Variants in TIAM1 observed in about 807,000 individuals in gnomAD.
TIAM1 encodes rho guanine nucleotide exchange factor TIAM1.
In TIAM1, 65 loss-of-function variants were observed where a neutral mutation model predicts 163.5. The observed-to-expected ratio is 0.40, with a 90% confidence interval of 0.33 to 0.49. The LOEUF is 0.49. Among genes scored for constraint, TIAM1 ranks in the 20% least tolerant of loss-of-function variants. The pLI is 0.77. For synonymous variants in TIAM1, 833 were observed against 810.1 expected (o/e 1.03, Z -0.48); for missense variants, 1,789 against 2,044.7 (o/e 0.87, Z 2.41).
intron 23 of TIAM1, among the ~76,000 whole-genome samples, chr21:31,133,702 A>G (rs762375906): frequency 6.6e-6 from 1 of 152,240 alleles, no homozygotes; most frequent in Non-Finnish European, 1.5e-5. Context: ...CATGTTATCT[A>G]GGGCTGCTTC....
rs1253853613 is a variant in TIAM1, at chr21:31,130,273, A to T, written c.3985T>A (p.Phe1329Ile). ...GTGGGGATCATGTGTCGAAATCTGAAGGGGTCCCAGTCCTCATAAATGGAA... is the reference window on the plus strand; with the variant it reads ...GTGGGGATCATGTGTCGAAATCTGATGGGGTCCCAGTCCTCATAAATGGAA... ...RLSIYEDWDP[F>I]RFRHMIPTEA... Residue 1329 changes from phenylalanine (F) to isoleucine (I), a missense_variant, in exon 25 of 28, where the codon TTC becomes ATC. Physicochemically the swap from Phe to Ile is conservative, Grantham distance 21 (BLOSUM62 0). Coordinates refer to ENST00000541036, the MANE Select transcript of TIAM1 (RefSeq NM_001353694.2). 1 of 1,614,134 alleles carries T rather than the reference A, an allele frequency of 6.2e-7. No homozygotes were observed. The highest frequency in any genetic ancestry group is 8.5e-7 in the Non-Finnish European group (1 of 1,180,018).
At chr21:31,409,970 G>T (rs1006402716) in intron 2 of TIAM1, among the ~76,000 whole-genome samples, 1 of 152,014 alleles carries the variant, frequency 6.6e-6, no homozygotes, top group Non-Finnish European at 1.5e-5. Context: ...GAAAAAAGGA[G>T]ATCCAAGTTT....
intron 2 of TIAM1, among the ~76,000 whole-genome samples, chr21:31,337,699 TTTTTGTA>T (rs2075888906): frequency 6.6e-6 from 1 of 151,846 alleles, no homozygotes; most frequent in African/African-American, 2.4e-5. Context: ...ACCGGGCTAA[TTTTTGTA>T]TTTTAGTAGA....
At chr21:31,510,054 C>G (rs2047162227) in intron 1 of TIAM1, among the ~76,000 whole-genome samples, 3 of 152,196 alleles carry the variant, frequency 2.0e-5, no homozygotes, top group African/African-American at 7.2e-5. Flanking sequence ...AAGTGCATCC[C>G]CCAAAAAGAT....
chr21:31,376,984 G>C (rs970889253), intron 2 of TIAM1, among the ~76,000 whole-genome samples: 3 of 150,340 alleles, frequency 2.0e-5, no homozygotes, highest in Non-Finnish European at 4.4e-5. Flanking sequence ...TTAGCCTCAC[G>C]AGCAGCTGGG....
intron 2 of TIAM1, among the ~76,000 whole-genome samples, chr21:31,300,985 C>A (rs1306301718): frequency 6.6e-6 from 1 of 152,134 alleles, no homozygotes; most frequent in Non-Finnish European, 1.5e-5. Context: ...AAGGCAGCAC[C>A]AAAAACATGG....
Position 31,226,041 on chromosome 21 carries a change from G to C in TIAM1, c.1585-91C>G, listed in dbSNP as rs923271317. The C allele has an allele frequency of 8.6e-6, 10 of 1,157,664 alleles. No homozygotes were observed. The African/African-American group carries it at 1.4e-4, about 16-fold the overall frequency. 71.7% of individuals were successfully genotyped at this position (1,157,664 alleles called of 1,614,324 possible). ...AGCATTTCCAGAGAAGCAATGCCTG[G>C]GAGTCGAGGTGACAGGTCTAGACAC... is the stretch of plus-strand genomic sequence containing the variant. On this transcript the variant is annotated intron_variant, in intron 6 of 27. Coordinates refer to ENST00000541036, the MANE Select transcript of TIAM1 (RefSeq NM_001353694.2).
chr21:31,179,759 T>C (rs1047167622), intron 15 of TIAM1, among the ~76,000 whole-genome samples: 1 of 152,156 alleles, frequency 6.6e-6, no homozygotes, highest in African/African-American at 2.4e-5. Context: ...TACTCAGATA[T>C]TTCTAAAATA....
chr21:31,264,151 G>T (rs1470252937), intron 4 of TIAM1, among the ~76,000 whole-genome samples: 4 of 152,070 alleles, frequency 2.6e-5, no homozygotes, highest in Non-Finnish European at 4.4e-5. Context: ...TTAGAGTCAA[G>T]GGGTACACGT....
At chr21:31,123,941 T>C (rs1016970507) in intron 27 of TIAM1, 1 of 152,258 alleles carries the variant, frequency 6.6e-6, no homozygotes, top group African/African-American at 2.4e-5. Flanking sequence ...TTTCCAAGAA[T>C]AGCTCGAGGC....
intron 4 of TIAM1, among the ~76,000 whole-genome samples, chr21:31,264,429 G>T (rs1231326079): frequency 1.3e-5 from 2 of 152,116 alleles, no homozygotes; most frequent in Non-Finnish European, 2.9e-5. Flanking sequence ...GCCCTTACTG[G>T]CTGCTTCCTA....
At chr21:31,376,901 C>T (rs1352587013) in intron 2 of TIAM1, among the ~76,000 whole-genome samples, 2 of 152,020 alleles carry the variant, frequency 1.3e-5, no homozygotes, top group African/African-American at 2.4e-5. Flanking sequence ...CTCTGTCACC[C>T]GGGCTGGGGT....
intron 15 of TIAM1, among the ~76,000 whole-genome samples, chr21:31,179,752 T>A (rs2084927670): frequency 6.6e-6 from 1 of 152,072 alleles, no homozygotes; most frequent in Admixed American, 6.6e-5. Context: ...ACAGAAATAC[T>A]CAGATATTTC....
intron 2 of TIAM1, among the ~76,000 whole-genome samples, chr21:31,301,936 T>C (rs907623022): frequency 1.3e-5 from 2 of 149,682 alleles, no homozygotes; most frequent in African/African-American, 2.4e-5. Flanking sequence ...AAAATATATA[T>C]GTAACATATA....
chr21:31,325,224 G>A (rs144217588), intron 2 of TIAM1, among the ~76,000 whole-genome samples: 37 of 151,976 alleles, frequency 2.4e-4, no homozygotes, highest in East Asian at 1.5e-3. Flanking sequence ...GTGGAGGTGC[G>A]GTAAGCTGTG....
At chr21:31,524,533 A>G (rs947881488) in intron 1 of TIAM1, among the ~76,000 whole-genome samples, 1 of 152,194 alleles carries the variant, frequency 6.6e-6, no homozygotes, top group African/African-American at 2.4e-5. Flanking sequence ...TCAAAAGTAT[A>G]TTCTCTTGCT....
intron 2 of TIAM1, among the ~76,000 whole-genome samples, chr21:31,454,098 C>G (rs2147333280): frequency 6.6e-6 from 1 of 152,306 alleles, no homozygotes; most frequent in Admixed American, 6.5e-5. Context: ...TTATCCAGAC[C>G]ATTTATCACC....
chr21:31,475,065 AGTT>A (rs2045895153), intron 1 of TIAM1, among the ~76,000 whole-genome samples: 1 of 89,794 alleles, frequency 1.1e-5, no homozygotes. Context: ...ATTATTATTT[AGTT>A]TTAGACAAGG....
At chr21:31,369,330 T>G (rs2076556134) in intron 2 of TIAM1, among the ~76,000 whole-genome samples, 1 of 151,980 alleles carries the variant, frequency 6.6e-6, no homozygotes, top group South Asian at 2.1e-4. Context: ...AATGTCTGTG[T>G]GCCCTTCAGA....
Sources: allele counts gnomAD v4.1 joint callset (sites outside exome capture counted in the v4.1 genomes callset), GRCh38; gene constraint gnomAD v4.1.1; transcripts MANE v1.5; gene names NCBI Gene and HGNC (gene_info 2026-07-23, HGNC 2026-07-21).